DPP6: variants seen among roughly 807,000 people sequenced by gnomAD.
DPP6 encodes A-type potassium channel modulatory protein DPP6.
In DPP6, 69 loss-of-function variants were observed where a neutral mutation model predicts 122.6. The observed-to-expected ratio is 0.56, with a 90% CI of 0.46 to 0.69. DPP6 has a LOEUF of 0.69. Ranked by LOEUF, DPP6 falls within the 30% of genes least tolerant of loss-of-function variation. The pLI is 0.00. For missense variants in DPP6, 928 were observed against 1,116.9 expected, an observed-to-expected ratio of 0.83 and a Z score of 2.41; for synonymous variants, 418 against 433.1, an observed-to-expected ratio of 0.97 and a Z score of 0.43.
At chr7:154,141,759 C>G (rs959996503) in intron 1 of DPP6, among the ~76,000 whole-genome samples, 3 of 152,178 alleles carry the variant, frequency 2.0e-5, no homozygotes, top group Non-Finnish European at 4.4e-5. Context: ...AAGTAAATGA[C>G]TTATACTTTA....
At chr7:153,898,570 C>T (rs1799508631) in intron 1 of DPP6, among the ~76,000 whole-genome samples, 1 of 152,130 alleles carries the variant, frequency 6.6e-6, no homozygotes, top group Non-Finnish European at 1.5e-5. Flanking sequence ...ACATGTACCT[C>T]ATAAATATGT....
At chr7:154,261,058 G>A (rs1013253024) in intron 1 of DPP6, among the ~76,000 whole-genome samples, 10 of 151,864 alleles carry the variant, frequency 6.6e-5, no homozygotes, top group Non-Finnish European at 1.5e-4. Context: ...ACCACGCCTG[G>A]GTAATTTTTG....
chr7:154,679,763 C>A (rs1037503312), intron 7 of DPP6, among the ~76,000 whole-genome samples: 4 of 152,170 alleles, frequency 2.6e-5, no homozygotes, highest in East Asian at 3.8e-4. Flanking sequence ...TAAAAACATT[C>A]ATCATGGGCA....
intron 1 of DPP6, among the ~76,000 whole-genome samples, chr7:153,906,477 G>T (rs1413085830): frequency 1.3e-5 from 2 of 152,148 alleles, no homozygotes; most frequent in African/African-American, 4.8e-5. Context: ...CTGAGTTAGG[G>T]TCTCACTCTG....
chr7:154,592,969 C>G (rs1211359417), intron 5 of DPP6, among the ~76,000 whole-genome samples: 1 of 152,144 alleles, frequency 6.6e-6, no homozygotes, highest in African/African-American at 2.4e-5. Context: ...GCAGAAACAC[C>G]TGGTAATCCT....
At chr7:153,834,275 TAA>T in the DPP6 span, among the ~76,000 whole-genome samples, 7 of 138,894 alleles carry the variant, frequency 5.0e-5, no homozygotes, top group Non-Finnish European at 6.2e-5. Flanking sequence ...TGACTCCATC[TAA>T]AAAAAAAAAA....
At chr7:154,777,248 C>T (rs1796634576) in intron 10 of DPP6, among the ~76,000 whole-genome samples, 1 of 151,718 alleles carries the variant, frequency 6.6e-6, no homozygotes, top group Admixed American at 6.6e-5. Flanking sequence ...GTGGAAGGAG[C>T]CACACCTAGG....
chr7:154,218,413 C>T (rs968160335), intron 1 of DPP6, among the ~76,000 whole-genome samples: 3 of 152,168 alleles, frequency 2.0e-5, no homozygotes, highest in African/African-American at 7.2e-5. Flanking sequence ...TTGGCTAATT[C>T]ATCAGTTTCC....
At chr7:154,801,655 A>C (rs1322699286) in intron 13 of DPP6, among the ~76,000 whole-genome samples, 193 bp downstream of exon 13, 1 of 152,148 alleles carries the variant, frequency 6.6e-6, no homozygotes, top group Non-Finnish European at 1.5e-5. Flanking sequence ...ACCTTGCTCT[A>C]TCTGGTCACG....
chr7:153,897,316 C>T (rs1799455529), intron 1 of DPP6, among the ~76,000 whole-genome samples: 1 of 152,042 alleles, frequency 6.6e-6, no homozygotes, highest in Non-Finnish European at 1.5e-5. Context: ...AACATAGTGC[C>T]TGGAAGATGG....
intron 3 of DPP6, among the ~76,000 whole-genome samples, chr7:154,476,154 T>C (rs1225147606): frequency 2.6e-5 from 4 of 152,248 alleles, no homozygotes; most frequent in South Asian, 4.1e-4. Flanking sequence ...CGTCCTCTAT[T>C]GTGGCTTCAG....
At chr7:154,489,190 C>G (rs746989656) in intron 3 of DPP6, among the ~76,000 whole-genome samples, 10 of 152,184 alleles carry the variant, frequency 6.6e-5, no homozygotes, top group Non-Finnish European at 1.0e-4. Flanking sequence ...TATCACAGAA[C>G]TTTTCCGTAG....
the DPP6 span, among the ~76,000 whole-genome samples, chr7:153,810,671 CCTCTCTCTCTCTCTCTCTCT>C: frequency 8.0e-5 from 10 of 124,632 alleles, no homozygotes; most frequent in African/African-American, 1.6e-4. Flanking sequence ...CTCTCTCTCT[CCTCTCTCTCTCTCTCTCTCT>C]CTCTCTCTCT....
intron 1 of DPP6, among the ~76,000 whole-genome samples, chr7:154,190,375 C>G (rs1798557767): frequency 6.6e-6 from 1 of 152,066 alleles, no homozygotes; most frequent in African/African-American, 2.4e-5. Context: ...CCACCAGCCC[C>G]TCTAGTAATG....
At chr7:154,422,663 TGGG>T (rs1817561008) in intron 1 of DPP6, among the ~76,000 whole-genome samples, 1 of 24,428 alleles carries the variant, frequency 4.1e-5, no homozygotes, top group Non-Finnish European at 2.3e-4. Context: ...GGTAGGTGGA[TGGG>T]TGGGTGGATG....
intron 1 of DPP6, among the ~76,000 whole-genome samples, chr7:154,110,287 C>T (rs1332777675): frequency 6.6e-6 from 1 of 152,024 alleles, no homozygotes; most frequent in Non-Finnish European, 1.5e-5. Context: ...GCTATTAGTG[C>T]CTACCCTCTG....
intron 1 of DPP6, among the ~76,000 whole-genome samples, chr7:154,423,346 A>G (rs1417741765): frequency 6.6e-6 from 1 of 152,020 alleles, no homozygotes; most frequent in Non-Finnish European, 1.5e-5. Flanking sequence ...GCAATTATGG[A>G]AGTTAGGATT....
intron 1 of DPP6, among the ~76,000 whole-genome samples, chr7:154,110,914 A>G (rs1308466010): frequency 6.6e-6 from 1 of 151,996 alleles, no homozygotes; most frequent in African/African-American, 2.4e-5. Flanking sequence ...TAGAATGAGC[A>G]GTTTTAGGAT....
the DPP6 span, among the ~76,000 whole-genome samples, chr7:153,858,112 G>GT: frequency 2.0e-5 from 3 of 152,136 alleles, no homozygotes; most frequent in African/African-American, 7.2e-5. Context: ...TTTGTTATGA[G>GT]TTTTTTGCTT....
Sources: allele counts gnomAD v4.1 joint callset (sites outside exome capture counted in the v4.1 genomes callset), GRCh38; gene constraint gnomAD v4.1.1; transcripts MANE v1.5; gene names NCBI Gene and HGNC (gene_info 2026-07-23, HGNC 2026-07-21).